The following EDIL3 variants were observed in gnomAD, a reference collection of about 807,000 sequenced individuals.
EDIL3 encodes the protein EGF like and discoidin domains 3.
EDIL3 carries 37 observed loss-of-function variants against 67.4 expected under a neutral mutation model. The observed-to-expected ratio is 0.55, with a 90% CI of 0.42 to 0.72. EDIL3 has a LOEUF of 0.72. Ranked by LOEUF, EDIL3 falls within the 30% of genes least tolerant of loss-of-function variation. The pLI is 0.00. For synonymous variants in EDIL3, 195 were observed against 196.3 expected (o/e 0.99, Z 0.05); for missense variants, 527 against 586.3 (o/e 0.90, Z 1.04).
intron 4 of EDIL3, among the ~76,000 whole-genome samples, chr5:84,177,750 A>G (rs1748946574): frequency 6.6e-6 from 1 of 152,164 alleles, no homozygotes; most frequent in Non-Finnish European, 1.5e-5. Flanking sequence ...TATTAATGAT[A>G]AAACCCCAAA....
chr5:83,957,644 A>G (rs1242752320), intron 10 of EDIL3, among the ~76,000 whole-genome samples: 1 of 151,718 alleles, frequency 6.6e-6, no homozygotes, highest in African/African-American at 2.4e-5. Context: ...AAAGGGAAGG[A>G]GGTTGAAAAG....
intron 1 of EDIL3, among the ~76,000 whole-genome samples, chr5:84,312,201 C>T (rs1746408987): frequency 6.8e-6 from 1 of 147,994 alleles, no homozygotes; most frequent in Non-Finnish European, 1.5e-5. Context: ...ACCCCCCCAC[C>T]TCCCTCCCCG....
chr5:83,998,819 C>T (rs781393989), intron 9 of EDIL3, among the ~76,000 whole-genome samples: 21 of 152,136 alleles, frequency 1.4e-4, no homozygotes, highest in Non-Finnish European at 2.9e-4. Context: ...TACAGGCCTT[C>T]GGCAAGACCT....
intron 2 of EDIL3, among the ~76,000 whole-genome samples, chr5:84,244,244 A>G (rs2112063191): frequency 6.6e-6 from 1 of 152,308 alleles, no homozygotes; most frequent in African/African-American, 2.4e-5. Context: ...AAAATTTTCA[A>G]GAAATTAATC....
chr5:84,323,730 G>C (rs1032444936), intron 1 of EDIL3, among the ~76,000 whole-genome samples: 1 of 151,810 alleles, frequency 6.6e-6, no homozygotes, highest in Non-Finnish European at 1.5e-5. Context: ...AAATAAGATA[G>C]TCCATGCACA....
intron 1 of EDIL3, among the ~76,000 whole-genome samples, chr5:84,347,331 G>C (rs1747257666): frequency 6.6e-6 from 1 of 152,168 alleles, no homozygotes; most frequent in Non-Finnish European, 1.5e-5. Flanking sequence ...CATTATGAAG[G>C]AGAAGACAAA....
Position 84,384,301 on chromosome 5 carries a change from G to T in EDIL3, c.67+7C>A. On this transcript the variant is annotated splice_region_variant and intron_variant, in intron 1 of 10. Coordinates refer to ENST00000296591, the MANE Select transcript of EDIL3 (RefSeq NM_005711.5). ...CTCACCCAGCTGTCCGGGTCCCGAC[G>T]CCTTACCTTTGCCGAACTGGGGGAC... 1 of 1,607,674 alleles carries T rather than the reference G, an allele frequency of 6.2e-7. No individual in the cohort carries two copies. Among genetic ancestry groups the T allele is most frequent in the Non-Finnish European group, 8.5e-7 (1 of 1,177,116 alleles).
At chr5:84,139,673 C>G (rs1748155203) in intron 4 of EDIL3, among the ~76,000 whole-genome samples, 1 of 152,088 alleles carries the variant, frequency 6.6e-6, no homozygotes, top group African/African-American at 2.4e-5. Context: ...AGAGAAAACA[C>G]TGCCGTATTT....
intron 4 of EDIL3, among the ~76,000 whole-genome samples, chr5:84,158,400 T>G (rs1331226984): frequency 6.6e-6 from 1 of 152,012 alleles, no homozygotes; most frequent in Admixed American, 6.5e-5. Context: ...ACACACAAAT[T>G]CAGCTGCATT....
At chr5:84,086,887 G>A (rs538076048) in intron 6 of EDIL3, among the ~76,000 whole-genome samples, 2 of 152,204 alleles carry the variant, frequency 1.3e-5, no homozygotes, top group African/African-American at 4.8e-5. Flanking sequence ...TGATCCCACG[G>A]TCCAAGATGG....
chr5:84,215,444 G>A (rs1456873706), intron 3 of EDIL3, among the ~76,000 whole-genome samples: 1 of 152,006 alleles, frequency 6.6e-6, no homozygotes, highest in Non-Finnish European at 1.5e-5. Context: ...AGTAGAGATG[G>A]GGCTTCACTG....
chr5:84,361,553 G>C (rs1747609021), intron 1 of EDIL3, among the ~76,000 whole-genome samples: 1 of 151,760 alleles, frequency 6.6e-6, no homozygotes, highest in African/African-American at 2.4e-5. Flanking sequence ...TATTATTTTA[G>C]ATTTAATAGG....
chr5:84,019,953 G>A (rs1745681031), intron 9 of EDIL3, among the ~76,000 whole-genome samples: 1 of 151,634 alleles, frequency 6.6e-6, no homozygotes, highest in Admixed American at 6.6e-5. Flanking sequence ...TCCTAGGAAA[G>A]TGATAGGGCA....
At chr5:84,151,791 G>A (rs1021149478) in intron 4 of EDIL3, among the ~76,000 whole-genome samples, 2 of 151,972 alleles carry the variant, frequency 1.3e-5, no homozygotes, top group African/African-American at 2.4e-5. Flanking sequence ...TCTGATGGAA[G>A]TTCATGAAGT....
At chr5:84,154,777 G>A (rs906043917) in intron 4 of EDIL3, among the ~76,000 whole-genome samples, 4 of 134,266 alleles carry the variant, frequency 3.0e-5, no homozygotes, top group South Asian at 2.6e-4. Context: ...TCGGCTCACC[G>A]CAACCTCTGC....
intron 1 of EDIL3, among the ~76,000 whole-genome samples, chr5:84,379,132 A>T (rs1032508867): frequency 2.0e-4 from 31 of 152,290 alleles, no homozygotes; most frequent in African/African-American, 7.2e-4. Flanking sequence ...ATTTGGCACA[A>T]TGTCAGTGAC....
intron 9 of EDIL3, among the ~76,000 whole-genome samples, chr5:84,018,344 C>A (rs761026060): frequency 2.0e-5 from 3 of 152,136 alleles, no homozygotes; most frequent in Non-Finnish European, 4.4e-5. Context: ...GAAGAACTGA[C>A]GGTTAAGAAA....
chr5:84,037,571 G>C (rs1039676766), intron 9 of EDIL3, among the ~76,000 whole-genome samples: 4 of 152,080 alleles, frequency 2.6e-5, no homozygotes, highest in Admixed American at 6.6e-5. Context: ...ACAGATTTCA[G>C]TATATTTTTT....
In EDIL3 at chr5:84,075,888, A is replaced by ACG. The variant is rs1021839066; in HGVS notation, c.652-9284_652-9283dup. ...AGTACAAACACGTGCAAAAGTGTGC[A>ACG]CGCACACACACACACACACACACAC... On this transcript the variant is annotated intron_variant, in intron 6 of 10. Coordinates refer to ENST00000296591, the MANE Select transcript of EDIL3 (RefSeq NM_005711.5). 3.6e-4 allele frequency among the ~76,000 whole-genome samples: 19 copies of ACG among 52,686 alleles called. No homozygotes were observed. In the South Asian group the frequency reaches 0.01, roughly 29 times the overall value. The allele number at this position is 52,686 out of a possible 152,430, so 34.6% of individuals were successfully genotyped here.
Sources: gnomAD v4.1 joint callset for allele counts (sites outside exome capture counted in the v4.1 genomes callset) on GRCh38, gnomAD v4.1.1 for gene constraint, MANE v1.5 for transcripts, NCBI Gene and HGNC (gene_info 2026-07-23, HGNC 2026-07-21) for gene names.